Variants in CHEK1 observed in about 807,000 individuals in gnomAD.
CHEK1 encodes serine/threonine-protein kinase Chk1.
In CHEK1, 32 loss-of-function variants were observed where a neutral mutation model predicts 60.2. The ratio of observed to expected loss-of-function variants is 0.53; its 90% CI spans 0.40 to 0.71. CHEK1 has a LOEUF of 0.71. Among genes scored for constraint, CHEK1 ranks in the 30% least tolerant of loss-of-function variants. CHEK1 has a pLI of 0.00. For missense variants in CHEK1, 399 were observed against 564.6 expected (o/e 0.71, Z 2.97); for synonymous variants, 179 against 187.2 (o/e 0.96, Z 0.36).
At chr11:125,672,342 C>T (rs1321342303) in intron 13 of CHEK1, 2 of 428,546 alleles carry the variant, frequency 4.7e-6, no homozygotes, top group East Asian at 8.4e-5. Context: ...TGTGCTTTAA[C>T]CATGTGAAAT....
chr11:125,660,356 A>G (rs1020052624), downstream of CHEK1, among the ~76,000 whole-genome samples: 5 of 152,130 alleles, frequency 3.3e-5, no homozygotes, highest in Non-Finnish European at 7.4e-5. Flanking sequence ...AAAATTTACT[A>G]TGATTTGGAT....
intron 5 of CHEK1, among the ~76,000 whole-genome samples, chr11:125,631,999 CA>C (rs1565365216): frequency 1.4e-4 from 21 of 150,962 alleles, no homozygotes; most frequent in African/African-American, 4.4e-4. Context: ...TATTTTGAGA[CA>C]TTTAAGTTGT....
Position 125,656,463 on chromosome 11 carries a change from T to C in CHEK1, c.*1143T>C, listed in dbSNP as rs1300374712. 9.3e-6 allele frequency: 2 copies of C among 214,574 alleles called. No individual in the cohort carries two copies. The highest frequency in any genetic ancestry group is 1.9e-5 in the Non-Finnish European group (2 of 106,486). The allele number at this position is 214,574 out of a possible 1,614,324, so 13.3% of individuals were successfully genotyped here. A position where few individuals can be genotyped will look rare whatever the true frequency, so the allele number is the denominator to read the frequency against. On this transcript the variant is annotated 3_prime_UTR_variant, in exon 13 of 13. Transcript: ENST00000438015. The stretch of plus-strand genomic sequence containing the variant: ...GAGTTTATCACATATTAATGTATAC[T>C]GGCAAATTGTGTTACTGGAGTATAC...
intron 13 of CHEK1, among the ~76,000 whole-genome samples, chr11:125,662,705 G>C (rs1942039159): frequency 6.6e-6 from 1 of 152,160 alleles, no homozygotes; most frequent in Non-Finnish European, 1.5e-5. Context: ...ACAGGCTTTT[G>C]TGTGAATATA....
Position 125,637,512 on chromosome 11 carries a change from A to G in CHEK1, c.782A>G (p.Lys261Arg), listed in dbSNP as rs1215535083. The G allele has an allele frequency of 6.2e-7, 1 of 1,611,284 alleles. No individual in the cohort carries two copies. The highest frequency in any genetic ancestry group is 8.5e-7 in the Non-Finnish European group (1 of 1,178,566). Reference protein sequence around the residue: ...SARITIPDIKKDRWYNKPLKK... With the variant: ...SARITIPDIKRDRWYNKPLKK... ...AGAATTACCATTCCAGACATCAAAA[A>G]AGATAGATGGTACAACAAACCCCTC... Residue 261 changes from lysine to arginine, a missense_variant, in exon 8 of 13, where the codon AAA (lysine) becomes AGA (arginine). Physicochemically the swap from Lys to Arg is conservative, Grantham distance 26. Around this residue, in one of 2 missense-constraint regions of CHEK1, gnomAD observed 370 missense variants for 494.8 expected, o/e 0.75. Coordinates refer to ENST00000438015, the MANE Select transcript of CHEK1 (RefSeq NM_001114122.3).
At chr11:125,670,341 A>G (rs1349172000) in intron 13 of CHEK1, among the ~76,000 whole-genome samples, 1 of 152,114 alleles carries the variant, frequency 6.6e-6, no homozygotes, top group Non-Finnish European at 1.5e-5. Context: ...GTCAAGGTCT[A>G]TAGACTGCTT....
chr11:125,634,500 G>A (rs904970340), intron 6 of CHEK1, among the ~76,000 whole-genome samples: 1 of 150,836 alleles, frequency 6.6e-6, no homozygotes, highest in Non-Finnish European at 1.5e-5. Flanking sequence ...TTTGTTGTGG[G>A]TTTTTTTTCA....
chr11:125,637,402 C>G lies in CHEK1; in HGVS notation c.719-47C>G, dbSNP rs765348834. The G allele has an allele frequency of 9.9e-6, 15 of 1,510,294 alleles. No homozygotes were observed. The East Asian group carries it at 3.5e-4, about 35-fold the overall frequency. The allele number at this position is 1,510,294 out of a possible 1,614,324, so 93.6% of individuals were successfully genotyped here. A position where few individuals can be genotyped will look rare whatever the true frequency, so the allele number is the denominator to read the frequency against. Reference sequence around the variant, plus strand: ...GTTTCTTACCTCAAGCCATAGGCTTCTCTAACATGATTCTTTCGTGAATGT... The same window carrying G: ...GTTTCTTACCTCAAGCCATAGGCTTGTCTAACATGATTCTTTCGTGAATGT... On this transcript the variant is annotated intron_variant, in intron 7 of 12. Transcript: ENST00000438015.
chr11:125,678,248 A>C (rs1255614681), downstream of CHEK1: 9 of 1,614,176 alleles, frequency 5.6e-6, no homozygotes, highest in Non-Finnish European at 7.6e-6. Context: ...GCTGAACTGA[A>C]GTTTGATGAT....
chr11:125,668,917 A>C (rs1942147627), intron 13 of CHEK1, among the ~76,000 whole-genome samples: 1 of 151,944 alleles, frequency 6.6e-6, no homozygotes, highest in Admixed American at 6.6e-5. Flanking sequence ...TCTTTTTTCC[A>C]AGGATTATCA....
chr11:125,631,861 CAAAAAAAAAAAAAA>C lies in CHEK1; in HGVS notation c.425-1288_425-1275del, dbSNP rs57281904. ...TGGGCAGCAGAGTGAGACACTTTCT[CAAAAAAAAAAAAAA>C]AAAAAAAAAAAAAGGGTAATCACAG... On this transcript the variant is annotated intron_variant, in intron 5 of 12. Coordinates refer to ENST00000438015, the MANE Select transcript of CHEK1 (RefSeq NM_001114122.3). 2.9e-3 allele frequency among the ~76,000 whole-genome samples: 151 copies of C among 51,390 alleles called. 2 individuals carry two copies. Among genetic ancestry groups the C allele is most frequent in the Non-Finnish European group, 4.0e-3 (123 of 30,616 alleles). The allele number at this position is 51,390 out of a possible 152,430, so 33.7% of individuals were successfully genotyped here. A position where few individuals can be genotyped will look rare whatever the true frequency, so the allele number is the denominator to read the frequency against.
intron 11 of CHEK1, among the ~76,000 whole-genome samples, chr11:125,648,446 G>C (rs1941582287): frequency 6.6e-6 from 1 of 151,972 alleles, no homozygotes; most frequent in African/African-American, 2.4e-5. Flanking sequence ...GCTGGGCGTG[G>C]TTGCGGGCAC....
intron 1 of CHEK1, 163 bp downstream of exon 1, chr11:125,626,175 C>T: frequency 1.7e-6 from 1 of 599,154 alleles, no homozygotes; most frequent in Non-Finnish European, 3.0e-6. Context: ...GGAATGGTAC[C>T]AGGAGGTTCC....
intron 1 of CHEK1, 78 bp from the exon 2 acceptor site, chr11:125,626,671 C>A: frequency 1.5e-6 from 2 of 1,328,518 alleles, no homozygotes; most frequent in Non-Finnish European, 2.2e-6. Context: ...CGTGGGCAAT[C>A]CTGGGGAGAG....
chr11:125,653,630 A>G lies in CHEK1; in HGVS notation c.1234-116A>G. The G allele has an allele frequency of 1.5e-6, 1 of 646,798 alleles. No individual in the cohort carries two copies. Among genetic ancestry groups the G allele is most frequent in the Non-Finnish European group, 2.7e-6 (1 of 368,566 alleles). The allele number at this position is 646,798 out of a possible 1,614,324, so 40.1% of individuals were successfully genotyped here. A position where few individuals can be genotyped will look rare whatever the true frequency, so the allele number is the denominator to read the frequency against. ...GGATCAGTAGTGGGATTGCTGGAAC[A>G]TATAGGTAGTTTTATTTGTAGTTTT... On this transcript the variant is annotated intron_variant, in intron 11 of 12. Transcript: ENST00000438015. The surrounding 1 kb of genome is among the most constrained non-coding windows in gnomAD (Gnocchi z 4.3).
chr11:125,676,194 C>T, exon 14 of CHEK1: 1 of 877,420 alleles, frequency 1.1e-6, no homozygotes, highest in Non-Finnish European at 1.7e-6. Context: ...AGGTGTGAGC[C>T]ACCTCGCCTG....
At chr11:125,668,522 C>G (rs917781885) in intron 13 of CHEK1, among the ~76,000 whole-genome samples, 4 of 151,800 alleles carry the variant, frequency 2.6e-5, no homozygotes, top group African/African-American at 9.7e-5. Flanking sequence ...ATTTTAATTT[C>G]TCATTTTTAA....
chr11:125,626,993 T>TAA (rs912218732), intron 2 of CHEK1, among the ~76,000 whole-genome samples, 160 bp downstream of exon 2: 41 of 148,962 alleles, frequency 2.8e-4, no homozygotes, highest in Middle Eastern at 3.4e-3. Context: ...TCCTTCCCTT[T>TAA]AAAAAAAAAA....
intron 8 of CHEK1, among the ~76,000 whole-genome samples, chr11:125,639,537 T>C (rs1201808029): frequency 6.6e-6 from 1 of 151,836 alleles, no homozygotes; most frequent in African/African-American, 2.4e-5. Flanking sequence ...CCACCACACC[T>C]GGCTAATTTT....
Sources: allele counts gnomAD v4.1 joint callset (sites outside exome capture counted in the v4.1 genomes callset), GRCh38; gene constraint gnomAD v4.1.1; regional missense constraint gnomAD v4.1.1; non-coding constraint Gnocchi (gnomAD v3.1); transcripts MANE v1.5; gene names NCBI Gene and HGNC (gene_info 2026-07-23, HGNC 2026-07-21).